The following EFCAB11 variants were observed in gnomAD, a reference collection of about 807,000 sequenced individuals.
EFCAB11 encodes the protein EF-hand calcium-binding domain-containing protein 11.
A neutral mutation model predicts 23.0 loss-of-function variants in EFCAB11; 14 were observed. The observed-to-expected ratio is 0.61, with a 90% confidence interval of 0.40 to 0.95. EFCAB11 has a LOEUF of 0.95. EFCAB11 is among the 40% of genes least tolerant of loss of function. EFCAB11 has a pLI of 0.00. For synonymous variants in EFCAB11, 65 were observed against 66.6 expected, an observed-to-expected ratio of 0.98 and a Z score of 0.11; for missense variants, 198 against 195.8, an observed-to-expected ratio of 1.01 and a Z score of -0.07.
intron 5 of EFCAB11, among the ~76,000 whole-genome samples, chr14:89,839,759 G>C (rs1012901458): frequency 3.3e-5 from 5 of 151,716 alleles, no homozygotes; most frequent in African/African-American, 1.2e-4. Context: ...GAATGCAAAG[G>C]GGGAGCCAGA....
At chr14:89,891,922 C>G (rs1888981407) in intron 5 of EFCAB11, among the ~76,000 whole-genome samples, 1 of 152,030 alleles carries the variant, frequency 6.6e-6, no homozygotes, top group South Asian at 2.1e-4. Context: ...AGCCCGAGCC[C>G]ACGGTGGGCG....
intron 5 of EFCAB11, among the ~76,000 whole-genome samples, chr14:89,885,289 G>C (rs536523445): frequency 6.6e-6 from 1 of 152,134 alleles, no homozygotes; most frequent in Non-Finnish European, 1.5e-5. Context: ...AAAACAAAAG[G>C]ATATACTTTA....
chr14:89,924,629 G>A (rs1404852204), intron 5 of EFCAB11: 22 of 1,535,538 alleles, frequency 1.4e-5, no homozygotes, highest in Non-Finnish European at 1.9e-5. Flanking sequence ...AGAACTTTAA[G>A]TCAGCTTCCT....
chr14:89,820,891 A>C (rs964420945), intron 5 of EFCAB11, among the ~76,000 whole-genome samples: 2 of 151,656 alleles, frequency 1.3e-5, no homozygotes, highest in Non-Finnish European at 2.9e-5. Flanking sequence ...TATATATATA[A>C]AATATGTTAT....
intron 5 of EFCAB11, among the ~76,000 whole-genome samples, chr14:89,832,887 A>G (rs1001471776): frequency 3.9e-5 from 6 of 152,136 alleles, no homozygotes; most frequent in Non-Finnish European, 8.8e-5. Flanking sequence ...AAAGTCACGG[A>G]CCATTTGTAT....
chr14:89,831,528 C>T (rs548519085), intron 5 of EFCAB11, among the ~76,000 whole-genome samples: 2 of 152,170 alleles, frequency 1.3e-5, no homozygotes, highest in Non-Finnish European at 2.9e-5. Context: ...CTGAATGGTA[C>T]GACAGCATTT....
intron 5 of EFCAB11, among the ~76,000 whole-genome samples, chr14:89,913,450 T>C (rs946603412): frequency 1.3e-5 from 2 of 152,162 alleles, no homozygotes; most frequent in Non-Finnish European, 2.9e-5. Context: ...TTTGTTTGAC[T>C]TCCATTTTCT....
At chr14:89,889,862 A>G (rs1230574455) in intron 5 of EFCAB11, among the ~76,000 whole-genome samples, 2 of 152,202 alleles carry the variant, frequency 1.3e-5, no homozygotes, top group East Asian at 3.8e-4. Context: ...GAACAATGGG[A>G]AACTGGCATC....
chr14:89,930,380 C>T (rs1330287579), intron 5 of EFCAB11, among the ~76,000 whole-genome samples: 1 of 152,184 alleles, frequency 6.6e-6, no homozygotes, highest in Admixed American at 6.5e-5. Flanking sequence ...CCATTCTCTC[C>T]CCCTCTTCCT....
At chr14:89,888,598 A>G (rs1304668278) in intron 5 of EFCAB11, among the ~76,000 whole-genome samples, 1 of 152,204 alleles carries the variant, frequency 6.6e-6, no homozygotes, top group East Asian at 1.9e-4. Context: ...ATCTGTCCCC[A>G]TGATCCAGAC....
At chr14:89,879,131 T>C (rs1330883368) in intron 5 of EFCAB11, among the ~76,000 whole-genome samples, 1 of 152,106 alleles carries the variant, frequency 6.6e-6, no homozygotes, top group Non-Finnish European at 1.5e-5. Context: ...CATTTTTTTT[T>C]CTGTTCTCCA....
intron 5 of EFCAB11, among the ~76,000 whole-genome samples, chr14:89,851,991 A>G (rs1190803733): frequency 5.9e-5 from 9 of 152,344 alleles, no homozygotes; most frequent in African/African-American, 1.9e-4. Context: ...AAATTTAAAA[A>G]GAAAACCTGA....
chr14:89,905,493 C>G (rs557876098), intron 5 of EFCAB11, among the ~76,000 whole-genome samples: 4 of 152,136 alleles, frequency 2.6e-5, no homozygotes, highest in African/African-American at 7.2e-5. Flanking sequence ...AGAAGGGATA[C>G]TCACTGAGGA....
intron 5 of EFCAB11, among the ~76,000 whole-genome samples, chr14:89,915,722 C>T (rs1889819364): frequency 6.6e-6 from 1 of 152,120 alleles, no homozygotes; most frequent in Non-Finnish European, 1.5e-5. Flanking sequence ...TTGATTTATT[C>T]TGCCATAAAC....
rs146950538 is a variant in EFCAB11, at chr14:89,803,818, C to T, written c.411-6494G>A. ...TCTTCTGAGGAGCCCGCTGCTTCTT[C>T]CCACTGGCGTGCTTGCCTCTTTGTT... On this transcript the variant is annotated intron_variant, in intron 5 of 5. Transcript: ENST00000316738. 4.4e-3 allele frequency among the ~76,000 whole-genome samples: 675 copies of T among 152,360 alleles called. 2 individuals are homozygous for T. Among genetic ancestry groups the T allele is most frequent in the Admixed American group, 0.01 (154 of 15,308 alleles).
rs67216494 is a variant in EFCAB11 at position 89,834,403 on chromosome 14, A to AAAAAAAAC, written c.411-37080_411-37079insGTTTTTTT. ...AAAAAAAAAAAAAAAAAAAAAAAAA[A>AAAAAAAAC]CCTTTTTGTTTAAACTTCTAAAGAT... On this transcript the variant is annotated intron_variant, in intron 5 of 5. Coordinates refer to ENST00000316738, the MANE Select transcript of EFCAB11 (RefSeq NM_145231.4). Among the ~76,000 whole-genome samples, 23 of 101,398 alleles carry AAAAAAAAC rather than the reference A, an allele frequency of 2.3e-4. 4 individuals are homozygous for AAAAAAAAC. The highest frequency in any genetic ancestry group is 4.7e-4 in the Admixed American group (4 of 8,472). The allele number at this position is 101,398 out of a possible 152,430, so 66.5% of individuals were successfully genotyped here. A position where few individuals can be genotyped will look rare whatever the true frequency, so the allele number is the denominator to read the frequency against.
chr14:89,892,406 C>A, intron 5 of EFCAB11: 2 of 1,589,994 alleles, frequency 1.3e-6, no homozygotes, highest in African/African-American at 1.3e-5. Flanking sequence ...CCCCAGGTCC[C>A]CCAGCAGGAA....
At chr14:89,953,809 A>C (rs893369953) in intron 2 of EFCAB11, 97 bp downstream of exon 2, 6 of 985,774 alleles carry the variant, frequency 6.1e-6, no homozygotes, top group East Asian at 2.5e-5. Context: ...CTTATAAAGC[A>C]ATTTATAAAC....
chr14:89,925,187 G>A (rs1272554081), intron 5 of EFCAB11, among the ~76,000 whole-genome samples: 1 of 152,182 alleles, frequency 6.6e-6, no homozygotes, highest in African/African-American at 2.4e-5. Context: ...AAGCATAAAT[G>A]CACATCACAT....
Sources: gnomAD v4.1 joint callset for allele counts (sites outside exome capture counted in the v4.1 genomes callset) on GRCh38, gnomAD v4.1.1 for gene constraint, MANE v1.5 for transcripts, NCBI Gene and HGNC (gene_info 2026-07-23, HGNC 2026-07-21) for gene names.